The following GRIK1 variants were observed in gnomAD, a reference collection of about 807,000 sequenced individuals.
GRIK1 encodes the protein glutamate ionotropic receptor kainate type subunit 1.
GRIK1 carries 69 observed loss-of-function variants against 105.7 expected under a neutral mutation model. That is an observed-to-expected ratio of 0.65 (90% CI 0.54 to 0.80). GRIK1 has a LOEUF of 0.80. Among genes scored for constraint, GRIK1 ranks in the 30% least tolerant of loss-of-function variants. The pLI is 0.00. For synonymous variants in GRIK1, 438 were observed against 431.3 expected (o/e 1.02, Z -0.19); for missense variants, 1,109 against 1,167.3 (o/e 0.95, Z 0.73).
chr21:29,597,059 T>A (rs2061429182), intron 8 of GRIK1, among the ~76,000 whole-genome samples: 1 of 152,060 alleles, frequency 6.6e-6, no homozygotes, highest in East Asian at 1.9e-4. Flanking sequence ...CAGTAGAAAT[T>A]TGAGTGAAAG....
intron 3 of GRIK1, among the ~76,000 whole-genome samples, chr21:29,677,605 T>C (rs1420396078): frequency 6.6e-6 from 1 of 152,174 alleles, no homozygotes; most frequent in Non-Finnish European, 1.5e-5. Context: ...ACCTCTGCTA[T>C]TTCCAGTGAG....
intron 1 of GRIK1, among the ~76,000 whole-genome samples, chr21:29,915,954 A>G (rs1427824543): frequency 7.9e-5 from 12 of 152,036 alleles, no homozygotes. Flanking sequence ...ACCTCATGAT[A>G]TATTCCAAGC....
intron 1 of GRIK1, among the ~76,000 whole-genome samples, chr21:29,819,862 C>T (rs936599419): frequency 6.6e-6 from 1 of 152,002 alleles, no homozygotes; most frequent in Non-Finnish European, 1.5e-5. Context: ...CATTCTCCCA[C>T]CCCCACTGCA....
intron 1 of GRIK1, among the ~76,000 whole-genome samples, chr21:29,712,451 T>C (rs1232870361): frequency 6.6e-6 from 1 of 152,122 alleles, no homozygotes; most frequent in African/African-American, 2.4e-5. Flanking sequence ...TCTTGATGCG[T>C]ATCACCTAAT....
At chr21:29,605,185 C>T (rs575238481) in intron 7 of GRIK1, among the ~76,000 whole-genome samples, 2 of 152,142 alleles carry the variant, frequency 1.3e-5, no homozygotes, top group East Asian at 3.8e-4. Context: ...GCCCAGCATC[C>T]ATTAGCTGTT....
At chr21:29,708,171 A>C (rs897835585) in intron 1 of GRIK1, among the ~76,000 whole-genome samples, 3 of 152,228 alleles carry the variant, frequency 2.0e-5, no homozygotes, top group African/African-American at 7.2e-5. Flanking sequence ...ATTTTAGGTC[A>C]ATGTATTATA....
intron 7 of GRIK1, chr21:29,630,604 G>A: frequency 2.1e-6 from 1 of 471,350 alleles, no homozygotes; most frequent in Non-Finnish European, 4.4e-6. Flanking sequence ...GCTTGGAAGA[G>A]GACCTTGAAC....
intron 1 of GRIK1, among the ~76,000 whole-genome samples, chr21:29,824,812 G>A (rs543837536): frequency 4.6e-5 from 7 of 152,100 alleles, no homozygotes; most frequent in African/African-American, 1.7e-4. Flanking sequence ...AGAAGACAAA[G>A]AACAGCCGGT....
At chr21:29,932,409 A>C (rs1216554659) in intron 1 of GRIK1, among the ~76,000 whole-genome samples, 1 of 152,150 alleles carries the variant, frequency 6.6e-6, no homozygotes. Flanking sequence ...GTTTTTAATA[A>C]GAAAAAAGTA....
intron 4 of GRIK1, among the ~76,000 whole-genome samples, chr21:29,668,144 G>A (rs926863508): frequency 3.9e-5 from 6 of 152,160 alleles, no homozygotes; most frequent in Non-Finnish European, 7.4e-5. Flanking sequence ...CTGAACACTC[G>A]TTGTGTGTCA....
intron 1 of GRIK1, among the ~76,000 whole-genome samples, chr21:29,864,575 G>A (rs533585006): frequency 2.0e-5 from 3 of 152,286 alleles, no homozygotes; most frequent in African/African-American, 4.8e-5. Context: ...TAAAAAGAAT[G>A]TGTTATTATT....
intron 1 of GRIK1, among the ~76,000 whole-genome samples, chr21:29,792,209 T>TATA (rs924338838): frequency 1.3e-5 from 2 of 152,152 alleles, no homozygotes; most frequent in African/African-American, 4.8e-5. Context: ...CACACATATG[T>TATA]ATATAGCTTA....
Position 29,694,755 on chromosome 21 carries a change from T to C in GRIK1, c.119-692A>G, listed in dbSNP as rs551878656. Among the ~76,000 whole-genome samples, 14 of 152,310 alleles carry C rather than the reference T, an allele frequency of 9.2e-5. No homozygotes were observed. The South Asian group carries it at 2.9e-3, about 32-fold the overall frequency. On this transcript the variant is annotated intron_variant, in intron 1 of 17. Coordinates refer to ENST00000327783, the MANE Select transcript of GRIK1 (RefSeq NM_001330994.2). ...TGTATCCTTGTAGGACCATTCTTCT[T>C]TAGAATGAAGATCTTTCTATTCAGA... is the stretch of plus-strand genomic sequence containing the variant.
intron 13 of GRIK1, among the ~76,000 whole-genome samples, chr21:29,580,483 C>T (rs912043326): frequency 4.2e-5 from 3 of 70,716 alleles, no homozygotes; most frequent in Admixed American, 1.6e-4. Context: ...TTGGTATTTC[C>T]ACAGTCTCTC....
At chr21:29,767,628 A>G (rs1305494042) in intron 1 of GRIK1, among the ~76,000 whole-genome samples, 1 of 152,188 alleles carries the variant, frequency 6.6e-6, no homozygotes, top group African/African-American at 2.4e-5. Flanking sequence ...TTATTTCTCT[A>G]CAGTAGGAAA....
At chr21:29,739,840 G>A (rs897966458) in intron 1 of GRIK1, among the ~76,000 whole-genome samples, 7 of 152,092 alleles carry the variant, frequency 4.6e-5, no homozygotes, top group African/African-American at 7.2e-5. Flanking sequence ...TACACACTAA[G>A]TTGTTTTTCA....
At chr21:29,559,534 T>C (rs2090341561) in intron 15 of GRIK1, among the ~76,000 whole-genome samples, 1 of 152,322 alleles carries the variant, frequency 6.6e-6, no homozygotes, top group African/African-American at 2.4e-5. Flanking sequence ...CTGTAAATCT[T>C]CTAGCCCAAT....
At chr21:29,849,954 TACTC>T (rs1362828165) in intron 1 of GRIK1, among the ~76,000 whole-genome samples, 3 of 152,272 alleles carry the variant, frequency 2.0e-5, no homozygotes, top group Non-Finnish European at 4.4e-5. Context: ...TTACTGGAGA[TACTC>T]TCTCTCACCC....
intron 1 of GRIK1, among the ~76,000 whole-genome samples, chr21:29,880,504 A>C (rs905436417): frequency 6.6e-6 from 1 of 152,142 alleles, no homozygotes; most frequent in Non-Finnish European, 1.5e-5. Context: ...TTAGCTCTAC[A>C]TTCTCATAAA....
Sources: allele counts gnomAD v4.1 joint callset (sites outside exome capture counted in the v4.1 genomes callset), GRCh38; gene constraint gnomAD v4.1.1; transcripts MANE v1.5; gene names NCBI Gene and HGNC (gene_info 2026-07-23, HGNC 2026-07-21).